DEFB131A: variants seen among roughly 807,000 people sequenced by gnomAD.
The protein encoded by DEFB131A is beta-defensin 131A.
A neutral mutation model predicts 2.4 loss-of-function variants in DEFB131A; 5 were observed. The ratio of observed to expected loss-of-function variants is 2.12; its 90% CI spans 1.11 to 4.47. The LOEUF (loss-of-function observed/expected upper bound fraction) is 4.47, where lower values mean the gene tolerates loss of function less well. Among genes scored for constraint, DEFB131A ranks in the 30% most tolerant of loss-of-function variants. DEFB131A has a pLI of 0.00. For missense variants in DEFB131A, 120 were observed against 79.9 expected (o/e 1.50, Z -1.91); for synonymous variants, 34 against 25.7 (o/e 1.32, Z -0.97).
rs113967271 is a variant in DEFB131A at position 9,446,348 on chromosome 4, T to TA, written c.58+1766dup. Among the ~76,000 whole-genome samples the TA allele has an allele frequency of 1.9e-3, 288 of 151,754 alleles. 2 individuals are homozygous for TA. The highest frequency in any genetic ancestry group is 6.4e-3 in the African/African-American group (267 of 41,492). ...AAGTTAGATTGATTATTGGTGTTGG[T>TA]AAAAAAAAATTCTTCGTATGGATTA... On this transcript the variant is annotated intron_variant, in intron 1 of 1. Transcript: ENST00000334879.
intron 1 of DEFB131A, among the ~76,000 whole-genome samples, chr4:9,444,813 T>A (rs757394063): frequency 1.3e-5 from 2 of 151,666 alleles, no homozygotes; most frequent in Admixed American, 1.3e-4. Flanking sequence ...CAGTGGCTCA[T>A]GTCTATAATC....
At position 9,450,451 on chromosome 4, in the gene DEFB131A, T is replaced by C; in HGVS notation, c.150T>C (p.Cys50=). ...CNADEHAIRY[C]ADFSICCKLK... is the part of the protein sequence containing the mutation. ...CTGATGAACATGCAATTAGATACTGTGCTGACTTCAGCATCTGCTGCAAAC... is the reference window on the plus strand; with the variant it reads ...CTGATGAACATGCAATTAGATACTGCGCTGACTTCAGCATCTGCTGCAAAC... Residue 50 remains cysteine (C), a synonymous_variant, in exon 2 of 2, where the codon TGT becomes TGC. Transcript: ENST00000334879. The C allele has an allele frequency of 6.2e-7, 1 of 1,611,228 alleles. No individual in the cohort carries two copies. Among genetic ancestry groups the C allele is most frequent in the Non-Finnish European group, 8.5e-7 (1 of 1,179,402 alleles).
At position 9,444,422 on chromosome 4, in the gene DEFB131A, T is replaced by C; in HGVS notation, c.-112T>C. 1 of 1,203,080 alleles carries C rather than the reference T, an allele frequency of 8.3e-7. No homozygotes were observed. The highest frequency in any genetic ancestry group is 1.2e-6 in the Non-Finnish European group (1 of 843,226). 74.5% of individuals were successfully genotyped at this position (1,203,080 alleles called of 1,614,324 possible). A position where few individuals can be genotyped will look rare whatever the true frequency, so the allele number is the denominator to read the frequency against. On this transcript the variant is annotated 5_prime_UTR_variant, in exon 1 of 2. Transcript: ENST00000334879. ...TGAAACACAGAAATGTTCTTGCTCC[T>C]GAAAGGTTCAATAATCACTCAACAA... is the stretch of plus-strand genomic sequence containing the variant.
At chr4:9,449,577 T>A (rs528776487) in intron 1 of DEFB131A, among the ~76,000 whole-genome samples, 26 of 151,808 alleles carry the variant, frequency 1.7e-4, no homozygotes, top group African/African-American at 6.3e-4. Flanking sequence ...CATAATTACC[T>A]GAAACTGTAA....
At position 9,444,481 on chromosome 4, in the gene DEFB131A, G is replaced by C; in HGVS notation, c.-53G>C. The C allele has an allele frequency of 3.8e-6, 6 of 1,595,758 alleles. No individual in the cohort carries two copies. Among genetic ancestry groups the C allele is most frequent in the Non-Finnish European group, 5.1e-6 (6 of 1,169,676 alleles). On this transcript the variant is annotated 5_prime_UTR_variant, in exon 1 of 2. Coordinates refer to ENST00000334879, the MANE Select transcript of DEFB131A (RefSeq NM_001040448.3). ...TTCAGAGAACTGAATGTACACAGAA[G>C]TCCTCTTCATCTCAGCTACTGATTC...
chr4:9,445,213 G>A (rs1392161969), intron 1 of DEFB131A, among the ~76,000 whole-genome samples: 1 of 152,116 alleles, frequency 6.6e-6, no homozygotes, highest in Non-Finnish European at 1.5e-5. Context: ...TAGAAGAAGG[G>A]CTAGAGGTGA....
intron 1 of DEFB131A, among the ~76,000 whole-genome samples, chr4:9,444,911 A>G (rs1324657424): frequency 4.5e-5 from 1 of 22,028 alleles, no homozygotes; most frequent in Non-Finnish European, 3.9e-4. Context: ...ATCTCTCCAA[A>G]AAAAAAAAAA....
intron 1 of DEFB131A, among the ~76,000 whole-genome samples, chr4:9,446,103 T>C (rs1428748421): frequency 1.3e-5 from 2 of 152,116 alleles, no homozygotes; most frequent in Non-Finnish European, 2.9e-5. Context: ...AAATTCTATC[T>C]CAATAAAAAT....
intron 1 of DEFB131A, among the ~76,000 whole-genome samples, chr4:9,444,813 T>C (rs757394063): frequency 1.2e-4 from 18 of 151,666 alleles, no homozygotes; most frequent in Non-Finnish European, 2.2e-4. Context: ...CAGTGGCTCA[T>C]GTCTATAATC....
At chr4:9,449,725 A>T (rs1269347529) in intron 1 of DEFB131A, among the ~76,000 whole-genome samples, 2 of 152,082 alleles carry the variant, frequency 1.3e-5, no homozygotes, top group Non-Finnish European at 2.9e-5. Context: ...TATGGGTTAT[A>T]GGCTCCTGTG....
chr4:9,445,512 T>C (rs1428543669), intron 1 of DEFB131A, among the ~76,000 whole-genome samples: 1 of 151,700 alleles, frequency 6.6e-6, no homozygotes, highest in Non-Finnish European at 1.5e-5. Flanking sequence ...TAAACTGCGG[T>C]TCATACCTGA....
At position 9,444,569 on chromosome 4, in the gene DEFB131A, C is replaced by T; in HGVS notation, c.36C>T (p.Ser12=). 4 of 1,610,658 alleles carry T rather than the reference C, an allele frequency of 2.5e-6. No homozygotes were observed. The highest frequency in any genetic ancestry group is 3.4e-6 in the Non-Finnish European group (4 of 1,179,426). Reference sequence around the variant, plus strand: ...TGTTTTTTGTCTTTGGAGTCCTTTCCTTGATGTTCACAGTTCCTCCAGGTA... The same window carrying T: ...TGTTTTTTGTCTTTGGAGTCCTTTCTTTGATGTTCACAGTTCCTCCAGGTA... ...RVLFFVFGVL[S]LMFTVPPARS... Residue 12 remains serine (S), a synonymous_variant, in exon 1 of 2, where the codon TCC becomes TCT. Transcript: ENST00000334879.
rs367863361 is a variant in DEFB131A at position 9,450,484 on chromosome 4, C to A, written c.183C>A (p.Ile61=). 387 of 1,610,184 alleles carry A rather than the reference C, an allele frequency of 2.4e-4. No individual in the cohort carries two copies. In the African/African-American group the frequency reaches 4.7e-3, roughly 19 times the overall value. The change falls in exon 2 of 2, where the codon ATC becomes ATA. Residue 61 remains isoleucine (I), a synonymous_variant. Transcript: ENST00000334879. ...TCAGCATCTGCTGCAAACTGAAGAT[C>A]ATTGAAATTGACGGACAAAAGAAGT... is the stretch of plus-strand genomic sequence containing the variant. The part of the protein sequence containing the change: ...ADFSICCKLK[I]IEIDGQKKW
intron 1 of DEFB131A, among the ~76,000 whole-genome samples, chr4:9,448,393 G>C (rs537076156): frequency 5.9e-5 from 9 of 152,204 alleles, no homozygotes; most frequent in African/African-American, 2.2e-4. Context: ...TTGTCACCCA[G>C]GCTGGAGTGC....
At chr4:9,447,103 T>C (rs1469266888) in intron 1 of DEFB131A, among the ~76,000 whole-genome samples, 14 of 152,156 alleles carry the variant, frequency 9.2e-5, no homozygotes, top group Admixed American at 9.2e-4. Flanking sequence ...GTTAAGTCTA[T>C]TTGGTCTGCG....
Position 9,446,565 on chromosome 4 carries a change from G to A in DEFB131A, c.58+1974G>A, listed in dbSNP as rs564457705. ...CAACTTTTTGTTTCATTAATTCTTT[G>A]CATTTTTTAAATCTTGAATTCACTT... On this transcript the variant is annotated intron_variant, in intron 1 of 1. Transcript: ENST00000334879. 2.6e-5 allele frequency among the ~76,000 whole-genome samples: 4 copies of A among 151,910 alleles called. No homozygotes were observed. In the East Asian group the frequency reaches 5.8e-4, roughly 22 times the overall value.
chr4:9,444,578 C>T lies in DEFB131A; in HGVS notation c.45C>T (p.Phe15=), dbSNP rs1717434387. 3.7e-6 allele frequency: 6 copies of T among 1,604,548 alleles called. No individual in the cohort carries two copies. The highest frequency in any genetic ancestry group is 2.2e-5 in the South Asian group (2 of 90,476). Residue 15 remains phenylalanine (F), a synonymous_variant, in exon 1 of 2, where the codon TTC becomes TTT. Transcript: ENST00000334879. ...FFVFGVLSLM[F]TVPPARSFIS... ...TCTTTGGAGTCCTTTCCTTGATGTT[C>T]ACAGTTCCTCCAGGTAAGACAGAAA...
chr4:9,448,844 T>C (rs1248528727), intron 1 of DEFB131A, among the ~76,000 whole-genome samples: 1 of 152,104 alleles, frequency 6.6e-6, no homozygotes, highest in Non-Finnish European at 1.5e-5. Context: ...GCAAGAACAA[T>C]TAGGCAAGAA....
In DEFB131A at chr4:9,450,472, C is replaced by T. The variant is rs747029428; in HGVS notation, c.171C>T (p.Cys57=). 8 of 1,610,696 alleles carry T rather than the reference C, an allele frequency of 5.0e-6. No individual in the cohort carries two copies. The Middle Eastern group carries it at 6.8e-4, about 137-fold the overall frequency. The change falls in exon 2 of 2, where the codon TGC becomes TGT. Residue 57 remains cysteine (C), a synonymous_variant. Coordinates refer to ENST00000334879, the MANE Select transcript of DEFB131A (RefSeq NM_001040448.3). ...ACTGTGCTGACTTCAGCATCTGCTG[C>T]AAACTGAAGATCATTGAAATTGACG... ...IRYCADFSIC[C]KLKIIEIDGQ... is the part of the protein sequence containing the mutation.
Sources: gnomAD v4.1 joint callset for allele counts (sites outside exome capture counted in the v4.1 genomes callset) on GRCh38, gnomAD v4.1.1 for gene constraint, MANE v1.5 for transcripts, NCBI Gene and HGNC (gene_info 2026-07-23, HGNC 2026-07-21) for gene names.